The following LMLN variants were observed in gnomAD, a reference collection of about 807,000 sequenced individuals.
The protein encoded by LMLN is leishmanolysin like peptidase, also known as leishmanolysin-like peptidase.
Under a neutral mutation model 92.3 loss-of-function variants are expected in LMLN, and 70 were observed. The ratio of observed to expected loss-of-function variants is 0.76; its 90% CI spans 0.63 to 0.92. The LOEUF is 0.92. Ranked by LOEUF, LMLN falls within the 40% of genes least tolerant of loss-of-function variation. The pLI is 0.00. For missense variants in LMLN, 691 were observed against 814.6 expected (o/e 0.85, Z 1.85); for synonymous variants, 308 against 296.2 (o/e 1.04, Z -0.41).
At position 197,990,690 on chromosome 3, in the gene LMLN, G is replaced by T. The variant is rs764998324; in HGVS notation, c.1047+14G>T. Reference sequence around the variant, plus strand: ...CCTCGTGTTGTTGTAAGTATTATCAGACTTCATGTCTCATGAGCCATCTGT... The same window carrying T: ...CCTCGTGTTGTTGTAAGTATTATCATACTTCATGTCTCATGAGCCATCTGT... On this transcript the variant is annotated intron_variant, in intron 9 of 15. Coordinates refer to ENST00000330198, the Ensembl canonical transcript of LMLN. The T allele has an allele frequency of 2.4e-6, 3 of 1,238,396 alleles. No individual in the cohort carries two copies. The highest frequency in any genetic ancestry group is 2.4e-5 in the South Asian group (2 of 83,022). The allele number at this position is 1,238,396 out of a possible 1,614,324, so 76.7% of individuals were successfully genotyped here.
At chr3:197,960,288 G>A (rs761520260) in exon 1 of LMLN, 2 of 1,613,666 alleles carry the variant, frequency 1.2e-6, no homozygotes. Context: ...CTCGGGCTCA[G>A]GCCCGGGCCG....
intron 11 of LMLN, among the ~76,000 whole-genome samples, chr3:198,000,401 G>A (rs145165648): frequency 8.5e-5 from 13 of 152,310 alleles, no homozygotes; most frequent in African/African-American, 2.6e-4. Flanking sequence ...AGAGGTGAAA[G>A]AGGTAAAAGC....
chr3:198,033,094 C>A (rs956707426), intron 14 of LMLN, among the ~76,000 whole-genome samples: 3 of 152,168 alleles, frequency 2.0e-5, no homozygotes, highest in African/African-American at 7.2e-5. Flanking sequence ...CCTGCCCACA[C>A]TTAATTCCCA....
In LMLN at chr3:198,038,564, T is replaced by A; in HGVS notation, c.1868-3T>A. On this transcript the variant is annotated splice_polypyrimidine_tract_variant and splice_region_variant and intron_variant, in intron 15 of 15. Coordinates refer to ENST00000330198, the Ensembl canonical transcript of LMLN. Reference sequence around the variant, plus strand: ...AAAGTCAGTTTTTTGTTTTCAACTCTAGATCTTTGTTCCTGTTCCTCGAGC... The same window carrying A: ...AAAGTCAGTTTTTTGTTTTCAACTCAAGATCTTTGTTCCTGTTCCTCGAGC... 1 of 1,610,402 alleles carries A rather than the reference T, an allele frequency of 6.2e-7. No homozygotes were observed. Among genetic ancestry groups the A allele is most frequent in the Non-Finnish European group, 8.5e-7 (1 of 1,176,560 alleles).
intron 5 of LMLN, among the ~76,000 whole-genome samples, chr3:197,979,265 C>A (rs1157755852): frequency 6.6e-6 from 1 of 152,048 alleles, no homozygotes; most frequent in Non-Finnish European, 1.5e-5. Context: ...ACAAGTATTG[C>A]TTACACCTTA....
intron 3 of LMLN, 29 bp downstream of exon 3, chr3:197,975,101 T>C (rs1332415778): frequency 7.8e-7 from 1 of 1,275,620 alleles, no homozygotes; most frequent in Non-Finnish European, 1.1e-6. Context: ...TAACTTGAAT[T>C]GGACACTTAA....
At chr3:198,020,919 G>A (rs1028853870) in intron 12 of LMLN, among the ~76,000 whole-genome samples, 13 of 150,210 alleles carry the variant, frequency 8.7e-5, no homozygotes, top group Non-Finnish European at 1.8e-4. Context: ...CACCATGCCC[G>A]GCCATAAAAT....
In LMLN at chr3:198,029,281, C is replaced by T. The variant is rs1723015271; in HGVS notation, c.1656+4493C>T. Among the ~76,000 whole-genome samples, 3 of 152,236 alleles carry T rather than the reference C, an allele frequency of 2.0e-5. No individual in the cohort carries two copies. The South Asian group carries it at 6.2e-4, about 31-fold the overall frequency. On this transcript the variant is annotated intron_variant, in intron 14 of 15. Coordinates refer to ENST00000330198, the Ensembl canonical transcript of LMLN. ...GTTTCCTAACTAATTTCCCTCCTCT[C>T]ATCTTACTTCCATGACCACGTTGAT...
At chr3:198,008,926 C>T (rs1722363713) in intron 11 of LMLN, among the ~76,000 whole-genome samples, 1 of 151,502 alleles carries the variant, frequency 6.6e-6, no homozygotes, top group South Asian at 2.1e-4. Flanking sequence ...GTTTAATTTC[C>T]AGCTATTTTG....
In LMLN at chr3:198,030,283, A is replaced by G. The variant is rs550548420; in HGVS notation, c.1656+5495A>G. On this transcript the variant is annotated intron_variant, in intron 14 of 15. Coordinates refer to ENST00000330198, the Ensembl canonical transcript of LMLN. ...TGTTCACTTCCTCTTTCCCCATCGT[A>G]CACTTCTTGTTTCCCATCCTCCCAG... Among the ~76,000 whole-genome samples the G allele has an allele frequency of 3.3e-5, 5 of 152,170 alleles. No individual in the cohort carries two copies. The East Asian group carries it at 5.8e-4, about 18-fold the overall frequency.
chr3:197,974,386 A>G, exon 2 of LMLN: 1 of 1,579,002 alleles, frequency 6.3e-7, no homozygotes, highest in Non-Finnish European at 8.7e-7. Context: ...GGTCATAAAT[A>G]AAGTTCATCT....
chr3:197,980,744 C>G, intron 6 of LMLN: 1 of 370,466 alleles, frequency 2.7e-6, no homozygotes, highest in Admixed American at 4.3e-5. Flanking sequence ...CTTCGTTTGA[C>G]TTTTCTGCCT....
intron 11 of LMLN, among the ~76,000 whole-genome samples, chr3:198,009,046 GCCCAGAA>G (rs899239767): frequency 1.3e-5 from 2 of 151,698 alleles, no homozygotes; most frequent in Non-Finnish European, 2.9e-5. Context: ...GTGTTTCATG[GCCCAGAA>G]TGTGGTCTGT....
At chr3:198,008,006 T>G (rs1454817876) in intron 11 of LMLN, among the ~76,000 whole-genome samples, 1 of 152,232 alleles carries the variant, frequency 6.6e-6, no homozygotes, top group Non-Finnish European at 1.5e-5. Context: ...AGTGATTTTT[T>G]TCGCCTGTTA....
chr3:197,975,918 A>G (rs991507616), intron 3 of LMLN, 111 bp from the exon 4 acceptor site: 3 of 640,378 alleles, frequency 4.7e-6, no homozygotes, highest in Middle Eastern at 4.0e-4. Context: ...TAATATCTGT[A>G]TTCCAGAATT....
intron 5 of LMLN, among the ~76,000 whole-genome samples, chr3:197,977,805 A>G (rs537630602): frequency 6.6e-6 from 1 of 152,178 alleles, no homozygotes; most frequent in Non-Finnish European, 1.5e-5. Context: ...CTGGATACAT[A>G]CAAAAATCAT....
At position 197,984,121 on chromosome 3, in the gene LMLN, A is replaced by G. The variant is rs539542525; in HGVS notation, c.834+73A>G. 1.4e-3 allele frequency: 1,332 copies of G among 928,918 alleles called. 3 individuals carry two copies. The highest frequency in any genetic ancestry group is 2.5e-3 in the Admixed American group (141 of 56,054). The allele number at this position is 928,918 out of a possible 1,614,324, so 57.5% of individuals were successfully genotyped here. On this transcript the variant is annotated intron_variant, in intron 7 of 15. Transcript: ENST00000330198. The stretch of plus-strand genomic sequence containing the variant: ...TTAGTATGTTCTCATTTTTATACAT[A>G]TATTCCACTTTAAGATGATGTGGAT...
chr3:198,017,771 G>A (rs1482343396), intron 11 of LMLN, among the ~76,000 whole-genome samples: 1 of 152,070 alleles, frequency 6.6e-6, no homozygotes, highest in South Asian at 2.1e-4. Context: ...ACAAAAATTA[G>A]CTGGGTGTAG....
intron 13 of LMLN, among the ~76,000 whole-genome samples, chr3:198,023,782 A>T (rs6422711): frequency 0.36 from 55,454 of 152,114 alleles, 13,978 homozygotes; most frequent in African/African-American, 0.72. Flanking sequence ...AGGTTTGTGC[A>T]TACTGTGAGA....
Sources: gnomAD v4.1 joint callset for allele counts (sites outside exome capture counted in the v4.1 genomes callset) on GRCh38, gnomAD v4.1.1 for gene constraint, MANE v1.5 for transcripts, NCBI Gene and HGNC (gene_info 2026-07-23, HGNC 2026-07-21) for gene names.